Variants in B4GALT6 observed in about 807,000 individuals in gnomAD.
The protein encoded by B4GALT6 is UDP-Gal:beta-GlcNAc beta-1,4-galactosyltransferase 6.
In B4GALT6, 14 loss-of-function variants were observed where a neutral mutation model predicts 46.3. That is an observed-to-expected ratio of 0.30 (90% CI 0.20 to 0.47). The LOEUF (loss-of-function observed/expected upper bound fraction) is 0.47. Ranked by LOEUF, B4GALT6 falls within the 20% of genes least tolerant of loss-of-function variation. The pLI is 0.99. For synonymous variants in B4GALT6, 168 were observed against 162.0 expected (o/e 1.04, Z -0.28); for missense variants, 386 against 480.1 (o/e 0.80, Z 1.83).
At chr18:31,684,811 C>A, upstream of B4GALT6, 6 of 1,020,144 alleles carry the variant, frequency 5.9e-6, no homozygotes, top group Non-Finnish European at 7.1e-6. Context: ...CGCGCCGCGG[C>A]GCCCCTGCGG....
the B4GALT6 span, among the ~76,000 whole-genome samples, chr18:31,718,185 A>C: frequency 6.6e-6 from 1 of 152,220 alleles, no homozygotes; most frequent in Non-Finnish European, 1.5e-5. Context: ...GTTTCTCAAC[A>C]GAGGTGATTT....
intron 3 of B4GALT6, among the ~76,000 whole-genome samples, chr18:31,652,378 CAA>C (rs34072261): frequency 0.46 from 69,752 of 151,672 alleles, 17,039 homozygotes; most frequent in South Asian, 0.65. Context: ...AGGTGTGTGA[CAA>C]GACACAGCAG....
intron 4 of B4GALT6, among the ~76,000 whole-genome samples, chr18:31,644,982 C>T (rs1480662261): frequency 6.6e-6 from 1 of 152,190 alleles, no homozygotes; most frequent in African/African-American, 2.4e-5. Context: ...ACTGGTGAGG[C>T]TATGCTTGCA....
the B4GALT6 span, among the ~76,000 whole-genome samples, chr18:31,710,025 G>A: frequency 6.6e-6 from 1 of 151,368 alleles, no homozygotes; most frequent in Non-Finnish European, 1.5e-5. Flanking sequence ...AACCCGGGAG[G>A]CAGAGGTTGC....
At chr18:31,628,655 T>C (rs1218646133) in intron 6 of B4GALT6, among the ~76,000 whole-genome samples, 2 of 152,160 alleles carry the variant, frequency 1.3e-5, no homozygotes, top group Non-Finnish European at 2.9e-5. Context: ...TCAGCAGTAG[T>C]GTGGCCATCA....
At chr18:31,722,952 T>C in the B4GALT6 span, among the ~76,000 whole-genome samples, 1 of 152,218 alleles carries the variant, frequency 6.6e-6, no homozygotes, top group Non-Finnish European at 1.5e-5. Flanking sequence ...CTCTGACATA[T>C]AAATGAATTA....
In B4GALT6 at chr18:31,630,947, C is replaced by T; in HGVS notation, c.776+12G>A. 1 of 1,613,330 alleles carries T rather than the reference C, an allele frequency of 6.2e-7. No homozygotes were observed. The highest frequency in any genetic ancestry group is 8.5e-7 in the Non-Finnish European group (1 of 1,179,294). On this transcript the variant is annotated intron_variant, in intron 6 of 8. Coordinates refer to ENST00000306851, the MANE Select transcript of B4GALT6 (RefSeq NM_004775.5). ...ATATCGTACAATATCAGGAATAGTG[C>T]ACACTACTTACATATACATGTATTT...
intron 1 of B4GALT6, among the ~76,000 whole-genome samples, chr18:31,676,963 C>T (rs566340383): frequency 4.6e-5 from 7 of 152,174 alleles, no homozygotes; most frequent in Middle Eastern, 3.4e-3. Context: ...AACAGTAGAC[C>T]CTTCCTTCCA....
intron 1 of B4GALT6, among the ~76,000 whole-genome samples, chr18:31,669,866 A>G (rs1314213624): frequency 6.6e-6 from 1 of 152,334 alleles, no homozygotes; most frequent in African/African-American, 2.4e-5. Context: ...GTGCTACACC[A>G]AACTGTGAAA....
intron 1 of B4GALT6, among the ~76,000 whole-genome samples, chr18:31,670,301 C>T (rs1352069080): frequency 6.6e-6 from 1 of 152,086 alleles, no homozygotes; most frequent in East Asian, 1.9e-4. Flanking sequence ...GCAATCCGCC[C>T]GCCTCAGCCT....
intron 6 of B4GALT6, among the ~76,000 whole-genome samples, chr18:31,629,446 GAT>G (rs2073746718): frequency 1.1e-4 from 4 of 35,144 alleles, no homozygotes; most frequent in South Asian, 1.1e-3. Flanking sequence ...TGCCCTTTAT[GAT>G]TTTTTTTTTT....
the B4GALT6 span, among the ~76,000 whole-genome samples, chr18:31,712,522 C>T: frequency 3.3e-5 from 5 of 151,972 alleles, no homozygotes; most frequent in Admixed American, 2.6e-4. Flanking sequence ...AGGCTGGTCT[C>T]GAACTCCTGA....
chr18:31,712,858 C>T, the B4GALT6 span, among the ~76,000 whole-genome samples: 1 of 152,114 alleles, frequency 6.6e-6, no homozygotes, highest in Admixed American at 6.5e-5. Context: ...GCTCAAAATG[C>T]AGTTACATTT....
upstream of B4GALT6, chr18:31,686,528 A>T (rs1417141876): frequency 6.6e-6 from 1 of 152,172 alleles, no homozygotes; most frequent in Non-Finnish European, 1.5e-5. Flanking sequence ...CCATTAGTTC[A>T]CTAGGTGGGA....
At chr18:31,672,372 C>T (rs1210960306) in intron 1 of B4GALT6, among the ~76,000 whole-genome samples, 1 of 152,020 alleles carries the variant, frequency 6.6e-6, no homozygotes, top group Admixed American at 6.6e-5. Context: ...GGGAGACATT[C>T]AATAAATGTA....
Position 31,626,376 on chromosome 18 carries a change from T to G in B4GALT6, c.908A>C (p.Tyr303Ser), listed in dbSNP as rs748607204. ...TGGTCTGGTTACATTATATCCAGCA[T>G]AGTGAACTCTACAATGCCATATATG... Reference protein sequence around the residue: ...EDDDLWNRVHYAGYNVTRPEG... With the variant: ...EDDDLWNRVHSAGYNVTRPEG... The change falls in exon 8 of 9, where the codon TAT becomes TCT. Residue 303 changes from tyrosine to serine, a missense_variant. Around this residue, in one of 2 missense-constraint regions of B4GALT6, gnomAD observed 323 missense variants for 438.9 expected, o/e 0.74. Coordinates refer to ENST00000306851, the MANE Select transcript of B4GALT6 (RefSeq NM_004775.5). 6 of 1,558,988 alleles carry G rather than the reference T, an allele frequency of 3.8e-6. No individual in the cohort carries two copies. Among genetic ancestry groups the G allele is most frequent in the Non-Finnish European group, 5.3e-6 (6 of 1,134,576 alleles).
chr18:31,710,461 C>T, the B4GALT6 span, among the ~76,000 whole-genome samples: 1 of 151,992 alleles, frequency 6.6e-6, no homozygotes, highest in Non-Finnish European at 1.5e-5. Context: ...TTAGAGTAGC[C>T]CTAAATCCAA....
the B4GALT6 span, among the ~76,000 whole-genome samples, chr18:31,718,412 A>G: frequency 0.034 from 5,178 of 152,328 alleles, 105 homozygotes; most frequent in African/African-American, 0.041. Flanking sequence ...GGGCCTGTTT[A>G]TAAGACAGTG....
chr18:31,675,286 AG>A (rs1369014135), intron 1 of B4GALT6, among the ~76,000 whole-genome samples: 1 of 152,228 alleles, frequency 6.6e-6, no homozygotes, highest in African/African-American at 2.4e-5. Flanking sequence ...AAAAATGTTC[AG>A]GGTGGAAACA....
Sources: allele counts gnomAD v4.1 joint callset (sites outside exome capture counted in the v4.1 genomes callset), GRCh38; gene constraint gnomAD v4.1.1; regional missense constraint gnomAD v4.1.1; transcripts MANE v1.5; gene names NCBI Gene and HGNC (gene_info 2026-07-23, HGNC 2026-07-21).